The following PTPRN2 variants were observed in gnomAD, a reference collection of about 807,000 sequenced individuals.
The protein encoded by PTPRN2 is receptor-type tyrosine-protein phosphatase N2.
PTPRN2 carries 74 observed loss-of-function variants against 118.8 expected under a neutral mutation model. The observed-to-expected ratio is 0.62, with a 90% CI of 0.52 to 0.76. The LOEUF (loss-of-function observed/expected upper bound fraction) is 0.76, where lower values mean the gene tolerates loss of function less well. Ranked by LOEUF, PTPRN2 falls within the 30% of genes least tolerant of loss-of-function variation. The pLI, the probability that PTPRN2 is intolerant of heterozygous loss-of-function variation, is 0.00. For synonymous variants in PTPRN2, 641 were observed against 608.0 expected, an observed-to-expected ratio of 1.05 and a Z score of -0.80; for missense variants, 1,481 against 1,394.4, an observed-to-expected ratio of 1.06 and a Z score of -0.99.
intron 2 of PTPRN2, among the ~76,000 whole-genome samples, chr7:158,351,435 C>T (rs1021765180): frequency 6.6e-6 from 1 of 152,216 alleles, no homozygotes; most frequent in African/African-American, 2.4e-5. Context: ...GCGACTCGTA[C>T]ACTGTACCTG....
rs114359483 is a variant in PTPRN2 at position 157,629,552 on chromosome 7, C to T, written c.2197-8043G>A. On this transcript the variant is annotated intron_variant, in intron 14 of 22. Transcript: ENST00000389418. This position sits in a 1 kb window ranked among gnomAD's most constrained non-coding sequence, Gnocchi z 4.4. ...ATTATTTCTCATCAATCAAACCACT[C>T]GTGCAGTGGAAAGTGAGTCCCCACG... is the stretch of plus-strand genomic sequence containing the variant. 4.9e-3 allele frequency among the ~76,000 whole-genome samples: 747 copies of T among 152,268 alleles called. 5 individuals carry two copies. The highest frequency in any genetic ancestry group is 0.017 in the African/African-American group (719 of 41,560).
intron 3 of PTPRN2, among the ~76,000 whole-genome samples, chr7:158,213,347 T>C (rs1476913386): frequency 6.6e-6 from 1 of 151,976 alleles, no homozygotes; most frequent in Non-Finnish European, 1.5e-5. Context: ...CACACAAATA[T>C]TTTTTTCACA....
At chr7:157,569,954 C>G (rs1425125833) in intron 20 of PTPRN2, among the ~76,000 whole-genome samples, 1 of 152,256 alleles carries the variant, frequency 6.6e-6, no homozygotes, top group African/African-American at 2.4e-5. Flanking sequence ...GTTCTGCTTT[C>G]TATGCCGTCT....
Position 157,682,954 on chromosome 7 carries a change from GA to G in PTPRN2, c.1789-18del. On this transcript the variant is annotated intron_variant, in intron 12 of 22. Coordinates refer to ENST00000389418, the MANE Select transcript of PTPRN2 (RefSeq NM_002847.5). ...TTTGCTTTTCTGCAGAACAAGGAGA[GA>G]GGGGTGTGTTAGCTCCTGACAAAGC... The G allele has an allele frequency of 6.3e-7, 1 of 1,581,692 alleles. No individual in the cohort carries two copies. The highest frequency in any genetic ancestry group is 8.7e-7 in the Non-Finnish European group (1 of 1,152,166).
chr7:158,519,222 A>C (rs1445790276), intron 1 of PTPRN2, among the ~76,000 whole-genome samples: 1 of 152,200 alleles, frequency 6.6e-6, no homozygotes, highest in Non-Finnish European at 1.5e-5. Flanking sequence ...CTAAGTGGGA[A>C]GAGGGAGAAA....
chr7:158,440,861 G>A (rs898775312), intron 2 of PTPRN2, among the ~76,000 whole-genome samples: 6 of 114,862 alleles, frequency 5.2e-5, no homozygotes, highest in East Asian at 3.2e-4. Context: ...GTGGTGGTGG[G>A]GGCAGTGGTA....
intron 12 of PTPRN2, among the ~76,000 whole-genome samples, chr7:157,815,855 CT>C (rs1251113793): frequency 1.3e-5 from 2 of 152,230 alleles, no homozygotes; most frequent in Non-Finnish European, 2.9e-5. Context: ...TCTGCACACG[CT>C]CAGGCGGTGA....
At chr7:158,146,164 C>G (rs1228545260) in intron 6 of PTPRN2, among the ~76,000 whole-genome samples, 3 of 152,154 alleles carry the variant, frequency 2.0e-5, no homozygotes, top group Non-Finnish European at 4.4e-5. Flanking sequence ...GGAACACAGT[C>G]AGAGAGCCCC....
chr7:158,034,815 G>A (rs1183964656), intron 11 of PTPRN2, among the ~76,000 whole-genome samples: 1 of 152,218 alleles, frequency 6.6e-6, no homozygotes, highest in Admixed American at 6.5e-5. Context: ...GTAAGAGCTG[G>A]GAGCTGCTGA....
intron 2 of PTPRN2, among the ~76,000 whole-genome samples, chr7:158,336,691 G>A (rs1217411645): frequency 1.5e-4 from 17 of 112,150 alleles, no homozygotes; most frequent in African/African-American, 3.7e-4. Flanking sequence ...GCTGACGCCC[G>A]CAGACGTCAC....
At chr7:157,703,970 G>A (rs1203578436) in intron 12 of PTPRN2, among the ~76,000 whole-genome samples, 1 of 152,170 alleles carries the variant, frequency 6.6e-6, no homozygotes, top group African/African-American at 2.4e-5. Context: ...GCTCTCACTC[G>A]CCCAAAGCTG....
intron 10 of PTPRN2, among the ~76,000 whole-genome samples, chr7:158,095,988 C>T (rs1023060468): frequency 1.3e-5 from 2 of 152,238 alleles, no homozygotes; most frequent in African/African-American, 2.4e-5. Context: ...CCAGCATTTA[C>T]CCAATGCTTC....
chr7:157,701,759 G>A (rs1035263345), intron 12 of PTPRN2, among the ~76,000 whole-genome samples: 1 of 152,200 alleles, frequency 6.6e-6, no homozygotes, highest in Non-Finnish European at 1.5e-5. Context: ...GGTCAATGCT[G>A]GTGTAACTGA....
At chr7:157,716,357 T>C (rs1336253971) in intron 12 of PTPRN2, among the ~76,000 whole-genome samples, 1 of 108,786 alleles carries the variant, frequency 9.2e-6, no homozygotes, top group African/African-American at 4.3e-5. Context: ...GCAGGAACAC[T>C]GCCTGGTCAC....
chr7:157,990,218 C>G lies in PTPRN2; in HGVS notation c.1723+91080G>C, dbSNP rs762526187. Among the ~76,000 whole-genome samples the G allele has an allele frequency of 6.6e-6, 1 of 151,786 alleles. No homozygotes were observed. The highest frequency in any genetic ancestry group is 1.5e-5 in the Non-Finnish European group (1 of 68,012). On this transcript the variant is annotated intron_variant, in intron 11 of 22. Coordinates refer to ENST00000389418, the MANE Select transcript of PTPRN2 (RefSeq NM_002847.5). The surrounding 1 kb of genome is among the most constrained non-coding windows in gnomAD (Gnocchi z 4.3). ...CGGGCCCAGATAAATAATTCATGAG[C>G]GCCACCGGGGAAGACCGGGCACTCG...
chr7:158,266,012 T>A (rs993344861), intron 3 of PTPRN2, among the ~76,000 whole-genome samples: 1 of 152,196 alleles, frequency 6.6e-6, no homozygotes, highest in Non-Finnish European at 1.5e-5. Context: ...GGAGGACCAG[T>A]GGGGACAGTG....
At position 157,615,623 on chromosome 7, in the gene PTPRN2, C is replaced by G. The variant is rs1377247516; in HGVS notation, c.2344+5739G>C. On this transcript the variant is annotated intron_variant, in intron 15 of 22. Transcript: ENST00000389418. This position sits in a 1 kb window ranked among gnomAD's most constrained non-coding sequence, Gnocchi z 4.3. ...GTCACGGGGGAGGATTGGCTCAGCA[C>G]TGGTCCTGCGGAATGTGTTTTTATC... 2.1e-6 allele frequency: 1 copy of G among 470,966 alleles called. No individual in the cohort carries two copies. Among genetic ancestry groups the G allele is most frequent in the South Asian group, 1.5e-5 (1 of 64,554 alleles). 29.2% of individuals were successfully genotyped at this position (470,966 alleles called of 1,614,324 possible).
intron 14 of PTPRN2, 57 bp downstream of exon 14, chr7:157,656,300 G>C: frequency 6.8e-7 from 1 of 1,476,386 alleles, no homozygotes; most frequent in Non-Finnish European, 9.2e-7. Context: ...TGTTGCAGGG[G>C]CCGAGGAAGG....
At chr7:157,907,165 G>A (rs915562171) in intron 11 of PTPRN2, among the ~76,000 whole-genome samples, 13 of 152,220 alleles carry the variant, frequency 8.5e-5, no homozygotes, top group Non-Finnish European at 1.6e-4. Flanking sequence ...GGTGGCATCT[G>A]GGGTACCCCG....
Sources: gnomAD v4.1 joint callset for allele counts (sites outside exome capture counted in the v4.1 genomes callset) on GRCh38, gnomAD v4.1.1 for gene constraint, Gnocchi (gnomAD v3.1) non-coding constraint, MANE v1.5 for transcripts, NCBI Gene and HGNC (gene_info 2026-07-23, HGNC 2026-07-21) for gene names.